Variants in CAST observed in about 807,000 individuals in gnomAD.
CAST encodes calpastatin, also known as MIR583 host.
CAST carries 76 observed loss-of-function variants against 119.6 expected under a neutral mutation model. That is an observed-to-expected ratio of 0.64 (90% CI 0.53 to 0.77). The LOEUF (loss-of-function observed/expected upper bound fraction) is 0.77, where lower values mean the gene tolerates loss of function less well. CAST is among the 30% of genes least tolerant of loss of function. The pLI is 0.00. For synonymous variants in CAST, 319 were observed against 331.6 expected (o/e 0.96, Z 0.41); for missense variants, 953 against 946.5 (o/e 1.01, Z -0.09).
the CAST span, among the ~76,000 whole-genome samples, chr5:96,194,444 A>G: frequency 6.6e-6 from 1 of 152,184 alleles, no homozygotes; most frequent in African/African-American, 2.4e-5. Context: ...ATGGGTGTTG[A>G]AGAAGCAGAG....
At chr5:96,136,345 CTTTTGTTTTG>C in the CAST span, among the ~76,000 whole-genome samples, 14 of 135,388 alleles carry the variant, frequency 1.0e-4, no homozygotes, top group Admixed American at 2.1e-4. Context: ...AATTGCACCT[CTTTTGTTTTG>C]TTTTGTTTTG....
At chr5:96,504,860 G>T in the CAST span, among the ~76,000 whole-genome samples, 2 of 152,164 alleles carry the variant, frequency 1.3e-5, no homozygotes, top group African/African-American at 4.8e-5. Context: ...TCGTATAAAT[G>T]GAATAACACA....
the CAST span, among the ~76,000 whole-genome samples, chr5:96,314,375 T>C: frequency 3.3e-5 from 5 of 152,186 alleles, no homozygotes; most frequent in Non-Finnish European, 7.3e-5. Flanking sequence ...TCACTTGCTT[T>C]TGTTAGGCTT....
chr5:96,441,162 C>T, the CAST span, among the ~76,000 whole-genome samples: 1 of 152,034 alleles, frequency 6.6e-6, no homozygotes, highest in Non-Finnish European at 1.5e-5. Context: ...AAAATAGCAC[C>T]CTAGTTACAT....
chr5:96,720,420 T>C (rs1191766883), intron 3 of CAST, among the ~76,000 whole-genome samples: 1 of 152,238 alleles, frequency 6.6e-6, no homozygotes, highest in Non-Finnish European at 1.5e-5. Context: ...AAGTTGCTTG[T>C]CTTTACAGAG....
chr5:96,195,364 A>G, the CAST span, among the ~76,000 whole-genome samples: 3 of 152,172 alleles, frequency 2.0e-5, no homozygotes, highest in South Asian at 6.2e-4. Flanking sequence ...CTGGACCTCA[A>G]CTTAGATCTG....
chr5:96,673,610 T>C (rs1750367577), intron 1 of CAST, among the ~76,000 whole-genome samples: 1 of 152,228 alleles, frequency 6.6e-6, no homozygotes. Context: ...TAAATTTCAG[T>C]GTGCTTAGTA....
chr5:96,468,497 G>T, the CAST span, among the ~76,000 whole-genome samples: 1 of 151,742 alleles, frequency 6.6e-6, no homozygotes, highest in Non-Finnish European at 1.5e-5. Flanking sequence ...GTTAGCCTTA[G>T]GTGTGTCTAT....
the CAST span, among the ~76,000 whole-genome samples, chr5:96,342,231 A>G: frequency 6.6e-6 from 1 of 152,182 alleles, no homozygotes; most frequent in South Asian, 2.1e-4. Context: ...TTTAAATATG[A>G]CTTCATAGAC....
chr5:96,509,296 A>C, the CAST span, among the ~76,000 whole-genome samples: 1 of 152,262 alleles, frequency 6.6e-6, no homozygotes, highest in Admixed American at 6.5e-5. Context: ...TCCCTGCAGC[A>C]CAACAACGGA....
the CAST span, among the ~76,000 whole-genome samples, chr5:95,969,387 A>C: frequency 6.6e-6 from 1 of 152,202 alleles, no homozygotes; most frequent in Non-Finnish European, 1.5e-5. Context: ...GGAAGCCTGA[A>C]GGCACTTTGA....
chr5:96,359,522 G>T, the CAST span, among the ~76,000 whole-genome samples: 1 of 151,682 alleles, frequency 6.6e-6, no homozygotes. Flanking sequence ...TTGTAAGGCA[G>T]GCCTGGTGGT....
chr5:96,443,220 C>T, the CAST span, among the ~76,000 whole-genome samples: 17 of 152,272 alleles, frequency 1.1e-4, no homozygotes, highest in African/African-American at 3.6e-4. Flanking sequence ...TAAAATAGCC[C>T]ATTCTTGTTT....
At chr5:96,646,245 G>A (rs1486883059) in intron 1 of CAST, among the ~76,000 whole-genome samples, 5 of 152,160 alleles carry the variant, frequency 3.3e-5, no homozygotes, top group African/African-American at 1.2e-4. Context: ...TGCATCTTTT[G>A]ACTAGATATT....
chr5:96,631,925 G>A (rs979445208), intron 1 of CAST, among the ~76,000 whole-genome samples: 3 of 152,102 alleles, frequency 2.0e-5, no homozygotes, highest in Non-Finnish European at 4.4e-5. Context: ...CAGCCAAGCT[G>A]TTTTTCACAG....
At chr5:96,415,989 T>C in the CAST span, 1 of 1,219,084 alleles carries the variant, frequency 8.2e-7, no homozygotes, top group East Asian at 2.3e-5. Context: ...TGATGTAAGC[T>C]TCACATTAAA....
chr5:96,612,866 T>TATAC (rs1487006060), intron 1 of CAST, among the ~76,000 whole-genome samples: 3 of 152,298 alleles, frequency 2.0e-5, no homozygotes, highest in East Asian at 3.9e-4. Flanking sequence ...TACACACATA[T>TATAC]ATACATACAT....
chr5:95,994,713 A>T, the CAST span, among the ~76,000 whole-genome samples: 5 of 152,150 alleles, frequency 3.3e-5, no homozygotes, highest in Non-Finnish European at 5.9e-5. Flanking sequence ...AAGGAGAAAA[A>T]GTTAATTGTA....
intron 15 of CAST, 197 bp downstream of exon 15, chr5:96,741,777 A>G (rs1258906841): frequency 3.7e-6 from 2 of 534,014 alleles, no homozygotes; most frequent in African/African-American, 3.8e-5. Flanking sequence ...ACTGCTTGTG[A>G]ATGATTTTAG....
Sources: allele counts gnomAD v4.1 joint callset (sites outside exome capture counted in the v4.1 genomes callset), GRCh38; gene constraint gnomAD v4.1.1; transcripts MANE v1.5; gene names NCBI Gene and HGNC (gene_info 2026-07-23, HGNC 2026-07-21).